SUSD4: variants seen among roughly 807,000 people sequenced by gnomAD.
SUSD4 encodes the protein sushi domain containing 4, also known as sushi domain-containing protein 4.
A neutral mutation model predicts 50.5 loss-of-function variants in SUSD4; 41 were observed. The ratio of observed to expected loss-of-function variants is 0.81; its 90% CI spans 0.63 to 1.05. The LOEUF (loss-of-function observed/expected upper bound fraction) is 1.05. Among genes scored for constraint, SUSD4 ranks in the 50% least tolerant of loss-of-function variants. The probability of loss-of-function intolerance (pLI) is 0.00; values close to 1 mark genes in which losing one functional copy is unlikely to be tolerated. For missense variants in SUSD4, 580 were observed against 634.7 expected (o/e 0.91, Z 0.93); for synonymous variants, 257 against 257.3 (o/e 1.00, Z 0.01).
At chr1:223,264,324 G>C (rs769369065) in intron 5 of SUSD4, 89 of 1,091,408 alleles carry the variant, frequency 8.2e-5, no homozygotes, top group Non-Finnish European at 9.5e-5. Context: ...ATTTGGTGCA[G>C]AGAAAATTAA....
At chr1:223,239,235 T>A (rs1382300471) in intron 5 of SUSD4, among the ~76,000 whole-genome samples, 1 of 152,086 alleles carries the variant, frequency 6.6e-6, no homozygotes, top group East Asian at 1.9e-4. Context: ...GTCTTCACAT[T>A]TCAAATGGGT....
chr1:223,310,740 AT>A (rs1433338754), intron 2 of SUSD4, among the ~76,000 whole-genome samples: 1 of 152,258 alleles, frequency 6.6e-6, no homozygotes, highest in African/African-American at 2.4e-5. Context: ...AAAAAATGCT[AT>A]TTAAAAAAAT....
intron 4 of SUSD4, among the ~76,000 whole-genome samples, chr1:223,265,437 G>A (rs1662426806): frequency 6.6e-6 from 1 of 152,244 alleles, no homozygotes; most frequent in African/African-American, 2.4e-5. Flanking sequence ...CGGAGGGCTT[G>A]TTAGACACAG....
At position 223,227,827 on chromosome 1, in the gene SUSD4, T is replaced by A; in HGVS notation, c.917-89A>T. ...CGTGGGCTCATTTGCTGGATTCATC[T>A]GGCACAAGAGATGCGTGCAAGGTGC... On this transcript the variant is annotated intron_variant, in intron 6 of 8. Coordinates refer to ENST00000366878, the MANE Select transcript of SUSD4 (RefSeq NM_017982.4). The surrounding 1 kb of genome is among the most constrained non-coding windows in gnomAD (Gnocchi z 4.5). The A allele has an allele frequency of 2.7e-6, 4 of 1,480,918 alleles. No individual in the cohort carries two copies. The highest frequency in any genetic ancestry group is 3.6e-6 in the Non-Finnish European group (4 of 1,098,276). 91.7% of individuals were successfully genotyped at this position (1,480,918 alleles called of 1,614,324 possible).
chr1:223,329,561 C>T (rs1307871356), intron 2 of SUSD4, among the ~76,000 whole-genome samples: 2 of 152,190 alleles, frequency 1.3e-5, no homozygotes, highest in African/African-American at 2.4e-5. Context: ...TGCCTCTAAG[C>T]TCCTGAAAGG....
chr1:223,231,825 G>A lies in SUSD4; in HGVS notation c.725-2437C>T, dbSNP rs1057121903. Reference sequence around the variant, plus strand: ...GGACTGCCTGGGGGCCCCCTTCCCTGCACTGCTGGAGCATTCCCCAGCGCT... The same window carrying A: ...GGACTGCCTGGGGGCCCCCTTCCCTACACTGCTGGAGCATTCCCCAGCGCT... On this transcript the variant is annotated intron_variant, in intron 5 of 8. Transcript: ENST00000366878. This position sits in a 1 kb window ranked among gnomAD's most constrained non-coding sequence, Gnocchi z 4.2. 6.6e-6 allele frequency among the ~76,000 whole-genome samples: 1 copy of A among 152,200 alleles called. No homozygotes were observed. The highest frequency in any genetic ancestry group is 6.5e-5 in the Admixed American group (1 of 15,292).
intron 2 of SUSD4, among the ~76,000 whole-genome samples, chr1:223,345,690 G>C (rs1395811266): frequency 6.6e-6 from 1 of 152,190 alleles, no homozygotes; most frequent in South Asian, 2.1e-4. Flanking sequence ...AATTCCACCT[G>C]CATGTCAAAA....
chr1:223,239,886 T>G (rs1183584667), intron 5 of SUSD4, among the ~76,000 whole-genome samples: 4 of 152,070 alleles, frequency 2.6e-5, no homozygotes, highest in Non-Finnish European at 5.9e-5. Flanking sequence ...GTTCTTCCTT[T>G]CTTTATGTAG....
chr1:223,334,631 T>C (rs773228908), intron 2 of SUSD4, among the ~76,000 whole-genome samples: 11 of 152,146 alleles, frequency 7.2e-5, no homozygotes, highest in African/African-American at 1.2e-4. Context: ...TACTTCTTAT[T>C]AGCAAAACTA....
chr1:223,345,188 T>C (rs542111350), intron 2 of SUSD4, among the ~76,000 whole-genome samples: 2 of 152,314 alleles, frequency 1.3e-5, no homozygotes, highest in East Asian at 1.9e-4. Context: ...AAGTCACTCA[T>C]GAGCTGAGAA....
At chr1:223,237,214 C>T (rs1157108279) in intron 5 of SUSD4, among the ~76,000 whole-genome samples, 1 of 152,020 alleles carries the variant, frequency 6.6e-6, no homozygotes, top group African/African-American at 2.4e-5. Flanking sequence ...TGCAACCTTG[C>T]TATAATTGCT....
At chr1:223,283,324 T>C (rs370967363) in intron 3 of SUSD4, among the ~76,000 whole-genome samples, 2 of 152,108 alleles carry the variant, frequency 1.3e-5, no homozygotes, top group Non-Finnish European at 2.9e-5. Flanking sequence ...ATTTTTGCAA[T>C]CTACTCATCT....
intron 2 of SUSD4, among the ~76,000 whole-genome samples, chr1:223,317,850 TC>T (rs373478636): frequency 2.0e-4 from 21 of 104,362 alleles, no homozygotes; most frequent in South Asian, 3.2e-4. Flanking sequence ...TTTTTTTTTT[TC>T]TTTTTTTTTT....
intron 5 of SUSD4, chr1:223,234,865 AACAGGTG>A: frequency 1.4e-6 from 2 of 1,451,180 alleles, no homozygotes; most frequent in Non-Finnish European, 1.8e-6. Context: ...TTGATGCACT[AACAGGTG>A]TGCAGATCAT....
chr1:223,268,028 T>TATATATATATATATATATATATATATAC (rs1558197107), intron 4 of SUSD4, among the ~76,000 whole-genome samples: 1 of 86,828 alleles, frequency 1.2e-5, no homozygotes, highest in African/African-American at 3.7e-5. Flanking sequence ...TATATATATA[T>TATATATATATATATATATATATATATAC]ATATATATAT....
chr1:223,297,290 T>C (rs1380169935), intron 2 of SUSD4, among the ~76,000 whole-genome samples: 1 of 152,182 alleles, frequency 6.6e-6, no homozygotes, highest in Non-Finnish European at 1.5e-5. Flanking sequence ...CAGAAGAACA[T>C]AGGGAGGCAG....
rs756272457 is a variant in SUSD4 at position 223,223,210 on chromosome 1, G to A, written c.1444+39C>T. The A allele has an allele frequency of 4.0e-6, 6 of 1,505,768 alleles. No homozygotes were observed. In the East Asian group the frequency reaches 1.4e-4, roughly 34 times the overall value. 93.3% of individuals were successfully genotyped at this position (1,505,768 alleles called of 1,614,324 possible). ...GGCTTGAAGATGCTGGTGCGGAGGT[G>A]TTTGCAGGTGTGGCTTGGGCCCTGG... On this transcript the variant is annotated intron_variant, in intron 8 of 8. Transcript: ENST00000366878.
At chr1:223,263,544 A>T in intron 5 of SUSD4, 4 of 985,166 alleles carry the variant, frequency 4.1e-6, no homozygotes, top group Non-Finnish European at 4.8e-6. Flanking sequence ...GAGTGAGGGG[A>T]GTTCTAATGA....
At chr1:223,240,975 T>C (rs80189758) in intron 5 of SUSD4, among the ~76,000 whole-genome samples, 4,073 of 152,206 alleles carry the variant, frequency 0.027, 103 homozygotes, top group African/African-American at 0.067. Context: ...TGGGTCTCAG[T>C]CTTTTAGTGA....
Sources: gnomAD v4.1 joint callset for allele counts (sites outside exome capture counted in the v4.1 genomes callset) on GRCh38, gnomAD v4.1.1 for gene constraint, Gnocchi (gnomAD v3.1) non-coding constraint, MANE v1.5 for transcripts, NCBI Gene and HGNC (gene_info 2026-07-23, HGNC 2026-07-21) for gene names.